The following TECR variants were observed in gnomAD, a reference collection of about 807,000 sequenced individuals.
TECR encodes the protein trans-2,3-enoyl-CoA reductase.
Under a neutral mutation model 50.6 loss-of-function variants are expected in TECR, and 19 were observed. The ratio of observed to expected loss-of-function variants is 0.38; its 90% CI spans 0.26 to 0.55. TECR has a LOEUF of 0.55. Among genes scored for constraint, TECR ranks in the 20% least tolerant of loss-of-function variants. The pLI is 0.79. For synonymous variants in TECR, 168 were observed against 163.5 expected (o/e 1.03, Z -0.21); for missense variants, 313 against 408.3 (o/e 0.77, Z 2.01).
chr19:14,548,465 C>T (rs367991277), intron 1 of TECR, among the ~76,000 whole-genome samples: 6 of 152,224 alleles, frequency 3.9e-5, no homozygotes, highest in Non-Finnish European at 8.8e-5. Flanking sequence ...AACCACTTCT[C>T]ATCAGCCTCA....
chr19:14,539,607 C>G (rs958272111), intron 1 of TECR, among the ~76,000 whole-genome samples: 8 of 152,072 alleles, frequency 5.3e-5, no homozygotes, highest in Non-Finnish European at 1.2e-4. Flanking sequence ...TGTCATCTGT[C>G]CCCTGCTTTC....
chr19:14,538,498 AC>A (rs2072982701), intron 1 of TECR, among the ~76,000 whole-genome samples: 1 of 150,844 alleles, frequency 6.6e-6, no homozygotes, highest in African/African-American at 2.4e-5. Context: ...TGCTTTTGGC[AC>A]CTGACCTCTT....
intron 1 of TECR, among the ~76,000 whole-genome samples, chr19:14,560,542 G>C (rs1017523505): frequency 6.6e-6 from 1 of 152,202 alleles, no homozygotes; most frequent in South Asian, 2.1e-4. Context: ...GGGGCCCAAC[G>C]TCCTGCGTGG....
rs553711461 is a variant in TECR at position 14,558,997 on chromosome 19, C to T, written c.16-3528C>T. Among the ~76,000 whole-genome samples the T allele has an allele frequency of 2.0e-5, 3 of 152,244 alleles. No homozygotes were observed. The East Asian group carries it at 5.8e-4, about 29-fold the overall frequency. On this transcript the variant is annotated intron_variant, in intron 1 of 12. Coordinates refer to ENST00000215567, the MANE Select transcript of TECR (RefSeq NM_138501.6). ...CCTGGGCAGGCGTGTGTGTGTGTGG[C>T]AGGCACAGAGCAGAGATTGGGGTGG... is the stretch of plus-strand genomic sequence containing the variant.
At position 14,565,747 on chromosome 19, in the gene TECR, C is replaced by G; in HGVS notation, c.803C>G (p.Ala268Gly). Residue 268 changes from alanine (A) to glycine (G), a missense_variant, in exon 13 of 13, where the codon GCC (alanine) becomes GGC (glycine). Transcript: ENST00000215567. ...TGACGCCCGTTCTTTCCTGCAGTGG[C>G]CCTGTTCTCCCTGGTGGGCTTCACC... Reference protein sequence around the residue: ...FAIMTQCLPVALFSLVGFTQM... With the variant: ...FAIMTQCLPVGLFSLVGFTQM... 6.2e-7 allele frequency: 1 copy of G among 1,612,236 alleles called. No individual in the cohort carries two copies. Among genetic ancestry groups the G allele is most frequent in the Non-Finnish European group, 8.5e-7 (1 of 1,179,728 alleles).
intron 1 of TECR, among the ~76,000 whole-genome samples, chr19:14,536,460 G>A (rs1316441933): frequency 6.6e-6 from 1 of 151,958 alleles, no homozygotes; most frequent in Admixed American, 6.6e-5. Context: ...AGTAGAGATG[G>A]GGTTTCACCA....
upstream of TECR, chr19:14,529,220 A>G: frequency 3.7e-6 from 1 of 269,414 alleles, no homozygotes; most frequent in Non-Finnish European, 7.6e-6. Flanking sequence ...CTCAGAATTT[A>G]CCCCTTCGGC....
chr19:14,565,675 G>A lies in TECR; in HGVS notation c.799+12G>A, dbSNP rs573108951. 125 of 1,612,074 alleles carry A rather than the reference G, an allele frequency of 7.8e-5. 1 individual carries two copies. The South Asian group carries it at 1.3e-3, about 17-fold the overall frequency. Reference sequence around the variant, plus strand: ...GCAGTGTCTCCCAGGTGAGCCTGCCGCCCTCCCTCGGCGGGGCCCTGCCCC... The same window carrying A: ...GCAGTGTCTCCCAGGTGAGCCTGCCACCCTCCCTCGGCGGGGCCCTGCCCC... On this transcript the variant is annotated intron_variant, in intron 12 of 12. Transcript: ENST00000215567.
rs561305115 is a variant in TECR at position 14,529,623 on chromosome 19, T to G, written c.-74T>G. ...AGTCTATCGCTGCGGTTGCGAGCGC[T>G]GTAGGGAGCCTGTGCTGTGCCGCGC... On this transcript the variant is annotated 5_prime_UTR_variant, in exon 1 of 13. Transcript: ENST00000215567. 275 of 1,610,572 alleles carry G rather than the reference T, an allele frequency of 1.7e-4. 1 individual carries two copies. In the East Asian group the frequency reaches 4.7e-3, roughly 27 times the overall value.
chr19:14,535,387 A>C (rs1175597639), intron 1 of TECR, among the ~76,000 whole-genome samples: 1 of 150,122 alleles, frequency 6.7e-6, no homozygotes, highest in Non-Finnish European at 1.5e-5. Flanking sequence ...GGGTACCTGT[A>C]GTCCCAGCTA....
At chr19:14,559,600 A>G (rs1480695951) in intron 1 of TECR, among the ~76,000 whole-genome samples, 1 of 152,130 alleles carries the variant, frequency 6.6e-6, no homozygotes. Context: ...CAGCCTGGGC[A>G]ACATGGTGAA....
chr19:14,564,875 C>T lies in TECR; in HGVS notation c.562+17C>T, dbSNP rs778695827. Reference sequence around the variant, plus strand: ...CTCCCCCTAGTAAGTGGCCTCAGACCATCCTTCCCTCCCCCACGGTCCCCA... The same window carrying T: ...CTCCCCCTAGTAAGTGGCCTCAGACTATCCTTCCCTCCCCCACGGTCCCCA... On this transcript the variant is annotated intron_variant, in intron 8 of 12. Coordinates refer to ENST00000215567, the MANE Select transcript of TECR (RefSeq NM_138501.6). 7.4e-6 allele frequency: 12 copies of T among 1,614,004 alleles called. No individual in the cohort carries two copies. Among genetic ancestry groups the T allele is most frequent in the Non-Finnish European group, 5.9e-6 (7 of 1,180,018 alleles).
upstream of TECR, among the ~76,000 whole-genome samples, chr19:14,528,344 ATTC>A (rs1177486105): frequency 1.3e-5 from 2 of 151,458 alleles, no homozygotes; most frequent in Admixed American, 1.3e-4. Context: ...GGTTCAAGCA[ATTC>A]TTCTGCCTCA....
intron 11 of TECR, 111 bp from the exon 12 acceptor site, chr19:14,565,507 C>T: frequency 2.7e-6 from 4 of 1,505,066 alleles, no homozygotes; most frequent in East Asian, 4.9e-5. Context: ...AATTGGGTTC[C>T]CATCCCTGAC....
Position 14,529,834 on chromosome 19 carries a change from G to A in TECR, c.15+123G>A, listed in dbSNP as rs2072551686. The stretch of plus-strand genomic sequence containing the variant: ...GAAGGAAGAGCCAGACGGCGCAGGC[G>A]CAGTGGGCAAGCGTTGCGCCCCGGG... On this transcript the variant is annotated intron_variant, in intron 1 of 12. Transcript: ENST00000215567. 7 of 1,409,854 alleles carry A rather than the reference G, an allele frequency of 5.0e-6. No homozygotes were observed. The East Asian group carries it at 1.7e-4, about 33-fold the overall frequency. The allele number at this position is 1,409,854 out of a possible 1,614,324, so 87.3% of individuals were successfully genotyped here. A position where few individuals can be genotyped will look rare whatever the true frequency, so the allele number is the denominator to read the frequency against.
At chr19:14,543,423 T>TA (rs1568406097) in intron 1 of TECR, among the ~76,000 whole-genome samples, 2 of 7,526 alleles carry the variant, frequency 2.7e-4, no homozygotes, top group African/African-American at 7.5e-4. Context: ...ATATATATTT[T>TA]TTTTTTTTTT....
At chr19:14,534,362 G>A (rs908569987) in intron 1 of TECR, among the ~76,000 whole-genome samples, 17 of 142,986 alleles carry the variant, frequency 1.2e-4, no homozygotes, top group African/African-American at 4.4e-4. Flanking sequence ...CTGACCTTAT[G>A]ATCCGCCCGC....
intron 1 of TECR, among the ~76,000 whole-genome samples, chr19:14,552,872 T>C (rs2073583769): frequency 6.6e-6 from 1 of 151,916 alleles, no homozygotes; most frequent in African/African-American, 2.4e-5. Flanking sequence ...GAGGCCTGGG[T>C]GGCAGTCTCA....
chr19:14,560,249 A>C (rs117382391), intron 1 of TECR, among the ~76,000 whole-genome samples: 4 of 152,118 alleles, frequency 2.6e-5, no homozygotes, highest in African/African-American at 9.7e-5. Flanking sequence ...CACCCCTCCC[A>C]CTAGCAGCTG....
Sources: allele counts gnomAD v4.1 joint callset (sites outside exome capture counted in the v4.1 genomes callset), GRCh38; gene constraint gnomAD v4.1.1; transcripts MANE v1.5; gene names NCBI Gene and HGNC (gene_info 2026-07-23, HGNC 2026-07-21).